The following ZEB1 variants were observed in gnomAD, a reference collection of about 807,000 sequenced individuals.
ZEB1 encodes zinc finger E-box-binding homeobox 1.
ZEB1 carries 21 observed loss-of-function variants against 84.9 expected under a neutral mutation model. That is an observed-to-expected ratio of 0.25 (90% confidence interval 0.18 to 0.36). The LOEUF (loss-of-function observed/expected upper bound fraction) is 0.36. Ranked by LOEUF, ZEB1 falls within the 10% of genes least tolerant of loss-of-function variation. The pLI is 1.00. For synonymous variants in ZEB1, 420 were observed against 471.1 expected (o/e 0.89, Z 1.41); for missense variants, 1,104 against 1,330.2 (o/e 0.83, Z 2.65).
At chr10:31,361,197 C>G in intron 1 of ZEB1, 1 of 1,611,818 alleles carries the variant, frequency 6.2e-7, no homozygotes, top group Non-Finnish European at 8.5e-7. Flanking sequence ...CTGCTCTCAA[C>G]TACAACATCG....
intron 1 of ZEB1, among the ~76,000 whole-genome samples, chr10:31,376,178 A>T (rs1168393050): frequency 1.3e-5 from 2 of 151,776 alleles, no homozygotes; most frequent in African/African-American, 2.4e-5. Context: ...GACTGATGTG[A>T]TGCCATAGGT....
intron 1 of ZEB1, chr10:31,374,906 A>AG (rs2046323864): frequency 6.6e-6 from 1 of 151,888 alleles, no homozygotes; most frequent in Non-Finnish European, 1.5e-5. Flanking sequence ...AAAGCCCTGA[A>AG]GAGGGACACT....
chr10:31,519,203 A>C (rs1457580287), intron 6 of ZEB1, among the ~76,000 whole-genome samples: 1 of 152,198 alleles, frequency 6.6e-6, no homozygotes, highest in African/African-American at 2.4e-5. Context: ...TATAGTCTGT[A>C]ACCTTTAAAT....
At chr10:31,377,075 A>G (rs1382149382) in intron 1 of ZEB1, among the ~76,000 whole-genome samples, 1 of 148,558 alleles carries the variant, frequency 6.7e-6, no homozygotes, top group East Asian at 2.0e-4. Flanking sequence ...GAGATACTTT[A>G]TAACCTAGTG....
At chr10:31,440,125 A>G (rs1334652016) in intron 1 of ZEB1, among the ~76,000 whole-genome samples, 2 of 152,154 alleles carry the variant, frequency 1.3e-5, no homozygotes, top group African/African-American at 2.4e-5. Flanking sequence ...GAGTAGATGC[A>G]TGGGATATGA....
At chr10:31,523,655 G>T (rs1261329122) in intron 7 of ZEB1, among the ~76,000 whole-genome samples, 2 of 152,068 alleles carry the variant, frequency 1.3e-5, no homozygotes, top group African/African-American at 4.8e-5. Flanking sequence ...TTTCTTTTCG[G>T]TGTCCTTGCT....
Position 31,524,045 on chromosome 10 carries a change from C to A in ZEB1, c.2717C>A (p.Ala906Asp). The change falls in exon 8 of 9, where the codon GCT becomes GAT. Residue 906 changes from alanine (A) to aspartate (D), a missense_variant. Coordinates refer to ENST00000424869, the MANE Select transcript of ZEB1 (RefSeq NM_001174096.2). Reference protein sequence around the residue: ...KMRKTENGMYACDLCDKIFQK... With the variant: ...KMRKTENGMYDCDLCDKIFQK... ...CGGAAGACAGAAAATGGAATGTATG[C>A]TTGTGATTTGTGTGACAAGATATTC... 1.2e-6 allele frequency: 2 copies of A among 1,613,860 alleles called. No individual in the cohort carries two copies. The highest frequency in any genetic ancestry group is 1.7e-6 in the Non-Finnish European group (2 of 1,179,910).
At chr10:31,462,164 G>A (rs1216630967) in intron 2 of ZEB1, among the ~76,000 whole-genome samples, 1 of 152,170 alleles carries the variant, frequency 6.6e-6, no homozygotes, top group East Asian at 1.9e-4. Flanking sequence ...ATATTATCTG[G>A]ATAATGAAAT....
At chr10:31,460,131 A>G (rs1202446998) in intron 1 of ZEB1, among the ~76,000 whole-genome samples, 1 of 151,932 alleles carries the variant, frequency 6.6e-6, no homozygotes, top group Admixed American at 6.6e-5. Context: ...ATCCTGTTAG[A>G]GTGATTATTG....
intron 1 of ZEB1, among the ~76,000 whole-genome samples, chr10:31,440,855 T>G (rs1423507360): frequency 1.3e-5 from 2 of 152,080 alleles, no homozygotes; most frequent in African/African-American, 4.8e-5. Context: ...ACAAGGGACG[T>G]GAAGGACCTC....
In ZEB1 at chr10:31,479,056, G is replaced by C. The variant is rs557408692; in HGVS notation, c.260-16720G>C. 2.0e-5 allele frequency among the ~76,000 whole-genome samples: 3 copies of C among 151,644 alleles called. No individual in the cohort carries two copies. In the South Asian group the frequency reaches 6.2e-4, roughly 32 times the overall value. ...AAAAAAAGAAATTTATAAGGAAAAG[G>C]GTACACTACAACTGATACTAAACAA... On this transcript the variant is annotated intron_variant, in intron 2 of 8. Coordinates refer to ENST00000424869, the MANE Select transcript of ZEB1 (RefSeq NM_001174096.2).
At chr10:31,507,548 T>G (rs1219539879) in intron 4 of ZEB1, among the ~76,000 whole-genome samples, 4 of 152,024 alleles carry the variant, frequency 2.6e-5, no homozygotes, top group Non-Finnish European at 5.9e-5. Context: ...TTTCTCTTAC[T>G]AGGTTATTTT....
intron 5 of ZEB1, 51 bp downstream of exon 5, chr10:31,510,926 G>T (rs780269024): frequency 6.5e-7 from 1 of 1,542,976 alleles, no homozygotes; most frequent in Non-Finnish European, 8.9e-7. Flanking sequence ...TGACAACTCA[G>T]CCCTCAATGG....
intron 1 of ZEB1, among the ~76,000 whole-genome samples, chr10:31,369,770 A>G (rs2045363382): frequency 1.3e-5 from 2 of 152,122 alleles, no homozygotes; most frequent in South Asian, 2.1e-4. Flanking sequence ...TTTTTGGGGG[A>G]AACTTCCATA....
Position 31,416,236 on chromosome 10 carries a change from C to T in ZEB1, c.59-44801C>T, listed in dbSNP as rs540289005. On this transcript the variant is annotated intron_variant, in intron 1 of 8. Coordinates refer to ENST00000424869, the MANE Select transcript of ZEB1 (RefSeq NM_001174096.2). ...TTAATACTTCATACTTTAGGAAAGACGATTTAGTTCTAAATATATTTATAA... is the reference window on the plus strand; with the variant it reads ...TTAATACTTCATACTTTAGGAAAGATGATTTAGTTCTAAATATATTTATAA... 3.1e-4 allele frequency among the ~76,000 whole-genome samples: 47 copies of T among 151,952 alleles called. 4 individuals are homozygous for T. Among genetic ancestry groups the T allele is most frequent in the African/African-American group, 1.1e-3 (44 of 41,470 alleles).
chr10:31,447,991 A>G (rs1414293938), intron 1 of ZEB1, among the ~76,000 whole-genome samples: 6 of 151,238 alleles, frequency 4.0e-5, no homozygotes, highest in Non-Finnish European at 8.8e-5. Flanking sequence ...TCTCCTGGAT[A>G]ATATCCTGCA....
chr10:31,441,882 G>A (rs1289851515), intron 1 of ZEB1, among the ~76,000 whole-genome samples: 1 of 152,178 alleles, frequency 6.6e-6, no homozygotes, highest in African/African-American at 2.4e-5. Flanking sequence ...CAGTTAGAAT[G>A]GCAATCATTA....
At chr10:31,340,062 T>C (rs983714654) in intron 1 of ZEB1, among the ~76,000 whole-genome samples, 10 of 152,328 alleles carry the variant, frequency 6.6e-5, no homozygotes, top group African/African-American at 2.4e-4. Flanking sequence ...GTGAGAAATA[T>C]TTCTTGATTG....
intron 2 of ZEB1, among the ~76,000 whole-genome samples, chr10:31,476,871 T>C (rs1355662602): frequency 6.6e-6 from 1 of 151,960 alleles, no homozygotes; most frequent in East Asian, 1.9e-4. Context: ...TCACTTCATG[T>C]TAAAAACCCT....
Sources: allele counts gnomAD v4.1 joint callset (sites outside exome capture counted in the v4.1 genomes callset), GRCh38; gene constraint gnomAD v4.1.1; transcripts MANE v1.5; gene names NCBI Gene and HGNC (gene_info 2026-07-23, HGNC 2026-07-21).